The following SHROOM3 variants were observed in gnomAD, a reference collection of about 807,000 sequenced individuals.
SHROOM3 encodes shroom family member 3.
Under a neutral mutation model 138.6 loss-of-function variants are expected in SHROOM3, and 47 were observed. That is an observed-to-expected ratio of 0.34 (90% CI 0.27 to 0.43). SHROOM3 has a LOEUF of 0.43. Ranked by LOEUF, SHROOM3 falls within the 20% of genes least tolerant of loss-of-function variation. The pLI is 1.00. For synonymous variants in SHROOM3, 1,062 were observed against 1,063.3 expected, an observed-to-expected ratio of 1.00 and a Z score of 0.02; for missense variants, 2,491 against 2,596.5, an observed-to-expected ratio of 0.96 and a Z score of 0.88.
intron 6 of SHROOM3, 128 bp downstream of exon 6, chr4:76,749,218 G>A: frequency 1.1e-6 from 1 of 884,328 alleles, no homozygotes; most frequent in East Asian, 2.6e-5. Context: ...ATTTGTCTAG[G>A]CCATGGATAA....
At chr4:76,452,878 G>C (rs926824762) in intron 1 of SHROOM3, among the ~76,000 whole-genome samples, 1 of 151,916 alleles carries the variant, frequency 6.6e-6, no homozygotes, top group African/African-American at 2.4e-5. Context: ...CCACCATGCC[G>C]AGCTAATTTT....
At chr4:76,760,962 A>G (rs901703489) in intron 9 of SHROOM3, among the ~76,000 whole-genome samples, 13 of 152,210 alleles carry the variant, frequency 8.5e-5, no homozygotes, top group Admixed American at 2.0e-4. Context: ...GCCTTTGGGC[A>G]TACCTGCTTT....
intron 1 of SHROOM3, among the ~76,000 whole-genome samples, chr4:76,451,373 TA>T (rs1341537421): frequency 6.6e-6 from 1 of 152,188 alleles, no homozygotes; most frequent in East Asian, 1.9e-4. Context: ...CACCATTCAA[TA>T]AACTGCAAAA....
At chr4:76,774,655 A>G (rs1418524416) in intron 10 of SHROOM3, among the ~76,000 whole-genome samples, 1 of 151,344 alleles carries the variant, frequency 6.6e-6, no homozygotes, top group Non-Finnish European at 1.5e-5. Flanking sequence ...TTACATCTCA[A>G]TGATACTTTG....
intron 1 of SHROOM3, among the ~76,000 whole-genome samples, chr4:76,441,540 A>G (rs550463652): frequency 6.6e-6 from 1 of 152,046 alleles, no homozygotes; most frequent in Non-Finnish European, 1.5e-5. Flanking sequence ...ATCCTTTCTG[A>G]CTTTTTCCCT....
At chr4:76,610,347 T>C (rs1734735944) in intron 2 of SHROOM3, among the ~76,000 whole-genome samples, 1 of 152,252 alleles carries the variant, frequency 6.6e-6, no homozygotes, top group Non-Finnish European at 1.5e-5. Context: ...TTTCTGGTAA[T>C]TTTGAATTTC....
chr4:76,501,207 T>C (rs1732084557), intron 1 of SHROOM3, among the ~76,000 whole-genome samples: 1 of 152,224 alleles, frequency 6.6e-6, no homozygotes, highest in Non-Finnish European at 1.5e-5. Context: ...CAGAGATATG[T>C]ATTACAAATA....
intron 5 of SHROOM3, among the ~76,000 whole-genome samples, chr4:76,744,898 A>T (rs142925791): frequency 6.6e-6 from 1 of 152,336 alleles, no homozygotes; most frequent in Admixed American, 6.5e-5. Context: ...GCCTCCAAAA[A>T]CAAAGTCATC....
At chr4:76,566,992 G>A (rs376341533) in intron 2 of SHROOM3, among the ~76,000 whole-genome samples, 4 of 152,348 alleles carry the variant, frequency 2.6e-5, no homozygotes, top group East Asian at 1.9e-4. Flanking sequence ...CTAGAGGCCC[G>A]TGCCGCTGTC....
intron 9 of SHROOM3, among the ~76,000 whole-genome samples, chr4:76,769,307 G>T (rs1371786873): frequency 6.7e-6 from 1 of 150,348 alleles, no homozygotes; most frequent in Non-Finnish European, 1.5e-5. Flanking sequence ...TACATACAGA[G>T]AATTTTTGAG....
At chr4:76,753,566 A>C (rs1268312034) in intron 6 of SHROOM3, among the ~76,000 whole-genome samples, 1 of 152,238 alleles carries the variant, frequency 6.6e-6, no homozygotes, top group Non-Finnish European at 1.5e-5. Flanking sequence ...GTAGTGCCAC[A>C]GACTCTTTTT....
intron 2 of SHROOM3, among the ~76,000 whole-genome samples, chr4:76,580,723 G>A (rs868248290): frequency 6.6e-6 from 1 of 152,136 alleles, no homozygotes; most frequent in Non-Finnish European, 1.5e-5. Context: ...ACTGTACCCC[G>A]CCAACTTTGG....
chr4:76,455,781 C>T (rs924793962), intron 1 of SHROOM3, among the ~76,000 whole-genome samples: 82 of 152,116 alleles, frequency 5.4e-4, no homozygotes, highest in African/African-American at 1.9e-3. Context: ...ATTTCATATC[C>T]TTTCAGTAGG....
chr4:76,455,678 C>T lies in SHROOM3; in HGVS notation c.168+19458C>T, dbSNP rs186718744. On this transcript the variant is annotated intron_variant, in intron 1 of 10. Transcript: ENST00000296043. ...TATATAGAAAAAGAGTTTATCTTCT[C>T]TAGTGATTACAAAGAAAAATGAAAT... Among the ~76,000 whole-genome samples, 93 of 152,176 alleles carry T rather than the reference C, an allele frequency of 6.1e-4. 2 individuals are homozygous for T. The highest frequency in any genetic ancestry group is 6.0e-3 in the Admixed American group (91 of 15,290).
chr4:76,527,346 G>A (rs1416648876), intron 1 of SHROOM3, among the ~76,000 whole-genome samples: 2 of 152,202 alleles, frequency 1.3e-5, no homozygotes, highest in African/African-American at 4.8e-5. Flanking sequence ...ACTTTGAGAG[G>A]CCAAGGCGGC....
intron 2 of SHROOM3, among the ~76,000 whole-genome samples, chr4:76,682,728 G>A (rs911010782): frequency 1.3e-5 from 2 of 152,116 alleles, no homozygotes; most frequent in Non-Finnish European, 2.9e-5. Flanking sequence ...TAAAATATAA[G>A]TGGAATGAAA....
Position 76,754,960 on chromosome 4 carries a change from G to T in SHROOM3, c.4477G>T (p.Val1493Phe). ...GATCTCCCTCCGAATATCTGAGTCT[G>T]TCCTGCGGGACTCCCCGCCACCTCA... ...GRISLRISES[V>F]LRDSPPPHED... Residue 1493 changes from valine to phenylalanine, a missense_variant, in exon 7 of 11, where the codon GTC becomes TTC. Physicochemically the swap from Val to Phe is conservative, Grantham distance 50. Around this residue, in one of 4 missense-constraint regions of SHROOM3, gnomAD observed 1,733 missense variants for 1,661.6 expected, o/e 1.04. Transcript: ENST00000296043. The T allele has an allele frequency of 6.2e-7, 1 of 1,614,184 alleles. No individual in the cohort carries two copies. Among genetic ancestry groups the T allele is most frequent in the Non-Finnish European group, 8.5e-7 (1 of 1,180,020 alleles).
Position 76,649,890 on chromosome 4 carries a change from C to A in SHROOM3, c.324-60266C>A, listed in dbSNP as rs565148925. Among the ~76,000 whole-genome samples, 11 of 152,286 alleles carry A rather than the reference C, an allele frequency of 7.2e-5. No individual in the cohort carries two copies. The South Asian group carries it at 8.3e-4, about 11-fold the overall frequency. On this transcript the variant is annotated intron_variant, in intron 2 of 10. Coordinates refer to ENST00000296043, the MANE Select transcript of SHROOM3 (RefSeq NM_020859.4). ...GGCAGCCATAACAAAATACCACAGACCATGTGGCTTAAGCAACAGAAATGT... is the reference window on the plus strand; with the variant it reads ...GGCAGCCATAACAAAATACCACAGAACATGTGGCTTAAGCAACAGAAATGT...
chr4:76,743,510 CCTT>C (rs1199843609), intron 5 of SHROOM3, among the ~76,000 whole-genome samples: 1 of 152,162 alleles, frequency 6.6e-6, no homozygotes, highest in Non-Finnish European at 1.5e-5. Context: ...TAGCCTGAGA[CCTT>C]CTCATATATT....
Sources: gnomAD v4.1 joint callset for allele counts (sites outside exome capture counted in the v4.1 genomes callset) on GRCh38, gnomAD v4.1.1 for gene constraint, gnomAD v4.1.1 regional missense constraint, MANE v1.5 for transcripts, NCBI Gene and HGNC (gene_info 2026-07-23, HGNC 2026-07-21) for gene names.